The following PPA1 variants were observed in gnomAD, a reference collection of about 807,000 sequenced individuals.
PPA1 encodes inorganic pyrophosphatase 1.
A neutral mutation model predicts 41.8 loss-of-function variants in PPA1; 23 were observed. The observed-to-expected ratio is 0.55, with a 90% confidence interval of 0.40 to 0.78. The LOEUF is 0.78. PPA1 is among the 30% of genes least tolerant of loss of function. The pLI, the probability that PPA1 is intolerant of heterozygous loss-of-function variation, is 0.00. For synonymous variants in PPA1, 101 were observed against 116.8 expected, an observed-to-expected ratio of 0.86 and a Z score of 0.87; for missense variants, 320 against 361.6, an observed-to-expected ratio of 0.89 and a Z score of 0.93.
Position 70,214,682 on chromosome 10 carries a change from T to A in PPA1, c.298-96A>T, listed in dbSNP as rs530062500. 2.7e-5 allele frequency: 25 copies of A among 927,386 alleles called. No individual in the cohort carries two copies. In the African/African-American group the frequency reaches 3.7e-4, roughly 14 times the overall value. The allele number at this position is 927,386 out of a possible 1,614,324, so 57.4% of individuals were successfully genotyped here. ...TAACATCCTATGACTCTTCAGCTACTTTTTTCTCATTGTTTTAGTTCTTTA... is the reference window on the plus strand; with the variant it reads ...TAACATCCTATGACTCTTCAGCTACATTTTTCTCATTGTTTTAGTTCTTTA... On this transcript the variant is annotated intron_variant, in intron 4 of 10. Transcript: ENST00000373232.
intron 8 of PPA1, among the ~76,000 whole-genome samples, chr10:70,206,705 A>G (rs12264094): frequency 0.89 from 134,727 of 150,716 alleles, 60,395 homozygotes; most frequent in East Asian, 1. Context: ...TTAGCCGGGC[A>G]TGGTGGCGCA....
At chr10:70,228,076 G>A (rs954883240) in intron 2 of PPA1, among the ~76,000 whole-genome samples, 1 of 152,142 alleles carries the variant, frequency 6.6e-6, no homozygotes, top group Non-Finnish European at 1.5e-5. Flanking sequence ...GAAGGCTTCT[G>A]CCCAAGGTCC....
chr10:70,219,042 C>T (rs117478069), intron 2 of PPA1, among the ~76,000 whole-genome samples: 21 of 152,070 alleles, frequency 1.4e-4, no homozygotes, highest in South Asian at 8.3e-4. Context: ...TGATTGCTTA[C>T]GGTATAGTTC....
At chr10:70,206,138 T>G in intron 9 of PPA1, 126 bp downstream of exon 9, 1 of 716,552 alleles carries the variant, frequency 1.4e-6, no homozygotes, top group Non-Finnish European at 2.4e-6. Flanking sequence ...ATTTCAAGAC[T>G]CCACACAGTA....
intron 2 of PPA1, among the ~76,000 whole-genome samples, chr10:70,219,030 T>C (rs907459681): frequency 6.6e-6 from 1 of 152,194 alleles, no homozygotes; most frequent in Non-Finnish European, 1.5e-5. Flanking sequence ...GTGGTCAGTA[T>C]ATGATTGCTT....
Position 70,213,600 on chromosome 10 carries a change from A to G in PPA1, c.385-11T>C, listed in dbSNP as rs1283783368. 1 of 1,613,114 alleles carries G rather than the reference A, an allele frequency of 6.2e-7. No individual in the cohort carries two copies. The highest frequency in any genetic ancestry group is 1.3e-5 in the African/African-American group (1 of 74,912). ...ACCTCTTGCACATACCTGAGAGTCA[A>G]TAGCCAAAGTCAGGACAACATTACA... On this transcript the variant is annotated splice_polypyrimidine_tract_variant and intron_variant, in intron 5 of 10. Transcript: ENST00000373232.
intron 2 of PPA1, among the ~76,000 whole-genome samples, chr10:70,220,579 A>G (rs185909349): frequency 0.016 from 810 of 49,768 alleles, 210 homozygotes; most frequent in African/African-American, 0.049. Context: ...TATAATATAT[A>G]TAATTATATA....
intron 2 of PPA1, among the ~76,000 whole-genome samples, chr10:70,220,686 A>G (rs1840138666): frequency 2.9e-4 from 3 of 10,514 alleles, no homozygotes; most frequent in African/African-American, 2.6e-3. Context: ...TATATAATAT[A>G]TATAATTTAT....
intron 3 of PPA1, 82 bp downstream of exon 3, chr10:70,218,682 A>G: frequency 9.9e-6 from 11 of 1,108,190 alleles, no homozygotes; most frequent in Non-Finnish European, 1.4e-5. Context: ...TGACGTTCAG[A>G]TGGTTCATCC....
rs560964329 is a variant in PPA1 at position 70,228,212 on chromosome 10, A to G, written c.123+2129T>C. Among the ~76,000 whole-genome samples the G allele has an allele frequency of 6.6e-5, 10 of 152,302 alleles. No individual in the cohort carries two copies. In the South Asian group the frequency reaches 2.1e-3, roughly 32 times the overall value. On this transcript the variant is annotated intron_variant, in intron 2 of 10. Transcript: ENST00000373232. ...ACTTTATAGACACAACCAGTCCCTT[A>G]TAAGGCTTCAGTGTCTGAGAGTAAT...
intron 2 of PPA1, among the ~76,000 whole-genome samples, chr10:70,221,850 A>C (rs1429701310): frequency 6.6e-6 from 1 of 152,260 alleles, no homozygotes; most frequent in African/African-American, 2.4e-5. Context: ...CAAAGTTTAG[A>C]AACTATATTG....
chr10:70,219,990 C>A (rs962626882), intron 2 of PPA1, among the ~76,000 whole-genome samples: 1 of 149,752 alleles, frequency 6.7e-6, no homozygotes, highest in African/African-American at 2.5e-5. Context: ...TGCAGTGGCA[C>A]AATCTTGGCT....
At chr10:70,222,987 C>T (rs1231515455) in intron 2 of PPA1, among the ~76,000 whole-genome samples, 4 of 152,034 alleles carry the variant, frequency 2.6e-5, no homozygotes, top group Admixed American at 2.6e-4. Flanking sequence ...CCAGCTTCAT[C>T]CATGTCCCTA....
At chr10:70,204,394 C>G (rs1839914075) in intron 10 of PPA1, 1 of 153,008 alleles carries the variant, frequency 6.5e-6, no homozygotes, top group Non-Finnish European at 1.5e-5. Flanking sequence ...GCCTGGGTGA[C>G]TCTGTGTCAA....
chr10:70,215,908 C>G (rs753195803), intron 4 of PPA1, among the ~76,000 whole-genome samples: 1 of 152,218 alleles, frequency 6.6e-6, no homozygotes, highest in Non-Finnish European at 1.5e-5. Context: ...AGCCAGAGTC[C>G]TTGCAGAACA....
At chr10:70,207,768 T>G (rs975041997) in intron 8 of PPA1, among the ~76,000 whole-genome samples, 2 of 152,180 alleles carry the variant, frequency 1.3e-5, no homozygotes, top group African/African-American at 2.4e-5. Context: ...GTTTTTTGGG[T>G]TTTTTTAGCC....
chr10:70,205,900 C>A (rs1216411055), intron 9 of PPA1: 2 of 176,654 alleles, frequency 1.1e-5, no homozygotes, highest in South Asian at 1.7e-4. Context: ...AAACTTGATA[C>A]CTTCCTCAGT....
In PPA1 at chr10:70,233,266, A is replaced by C; in HGVS notation, c.62T>G (p.Leu21Arg). Residue 21 changes from leucine to arginine, a missense_variant and splice_region_variant, in exon 1 of 11, where the codon CTC becomes CGC. By Grantham distance (102) the Leu-to-Arg change is moderately radical. Coordinates refer to ENST00000373232, the MANE Select transcript of PPA1 (RefSeq NM_021129.4). Reference sequence around the variant, plus strand: ...GGCCACGGGCCGCAGACACTCACTGAGGAAGACTCGGTACTCCAGGGAGAA... The same window carrying C: ...GGCCACGGGCCGCAGACACTCACTGCGGAAGACTCGGTACTCCAGGGAGAA... ...APFSLEYRVF[L>R]KNEKGQYISP... 6.5e-7 allele frequency: 1 copy of C among 1,541,302 alleles called. No homozygotes were observed.
At chr10:70,215,333 T>TCCCAC (rs1490682505) in intron 4 of PPA1, among the ~76,000 whole-genome samples, 1 of 152,176 alleles carries the variant, frequency 6.6e-6, no homozygotes, top group African/African-American at 2.4e-5. Flanking sequence ...CAAGTGATCC[T>TCCCAC]CCCACCTTGG....
Sources: gnomAD v4.1 joint callset for allele counts (sites outside exome capture counted in the v4.1 genomes callset) on GRCh38, gnomAD v4.1.1 for gene constraint, MANE v1.5 for transcripts, NCBI Gene and HGNC (gene_info 2026-07-23, HGNC 2026-07-21) for gene names.